APBB2: variants seen among roughly 807,000 people sequenced by gnomAD.
The protein encoded by APBB2 is Fe65-like 1.
Under a neutral mutation model 82.5 loss-of-function variants are expected in APBB2, and 38 were observed. The ratio of observed to expected loss-of-function variants is 0.46; its 90% CI spans 0.36 to 0.60. The LOEUF is 0.60. APBB2 is among the 20% of genes least tolerant of loss of function. The pLI is 0.00. For missense variants in APBB2, 772 were observed against 972.3 expected, an observed-to-expected ratio of 0.79 and a Z score of 2.74; for synonymous variants, 341 against 368.2, an observed-to-expected ratio of 0.93 and a Z score of 0.85.
chr4:40,942,884 CA>C (rs1787413203), intron 7 of APBB2, among the ~76,000 whole-genome samples: 1 of 152,218 alleles, frequency 6.6e-6, no homozygotes, highest in Non-Finnish European at 1.5e-5. Context: ...ATCACGGAAA[CA>C]AAAGGCTAAC....
intron 6 of APBB2, among the ~76,000 whole-genome samples, chr4:40,965,423 C>T (rs1479980430): frequency 1.3e-5 from 2 of 152,126 alleles, no homozygotes; most frequent in Non-Finnish European, 2.9e-5. Context: ...CTCTGAAAAG[C>T]CCCAAGTTCT....
rs56979618 is a variant in APBB2 at position 40,956,587 on chromosome 4, G to A, written c.836-11514C>T. 1.7e-3 allele frequency among the ~76,000 whole-genome samples: 259 copies of A among 151,452 alleles called. 1 individual carries two copies. Among genetic ancestry groups the A allele is most frequent in the African/African-American group, 5.9e-3 (244 of 41,188 alleles). Reference sequence around the variant, plus strand: ...ACTTTGTATTCAATTGAACTTCCCTGTGGTAGCATTATTTTAACAGTTGTT... The same window carrying A: ...ACTTTGTATTCAATTGAACTTCCCTATGGTAGCATTATTTTAACAGTTGTT... On this transcript the variant is annotated intron_variant, in intron 6 of 17. Transcript: ENST00000508593.
At chr4:40,988,952 G>T (rs923232389) in intron 6 of APBB2, among the ~76,000 whole-genome samples, 3 of 151,936 alleles carry the variant, frequency 2.0e-5, no homozygotes, top group Non-Finnish European at 2.9e-5. Context: ...AGAGACGAGG[G>T]TTTCACCATG....
chr4:40,946,022 C>A (rs1260837192), intron 6 of APBB2, among the ~76,000 whole-genome samples: 1 of 152,088 alleles, frequency 6.6e-6, no homozygotes, highest in Non-Finnish European at 1.5e-5. Flanking sequence ...CACCTGAGGT[C>A]AGGAGTTTGA....
chr4:40,848,765 G>A (rs1470454971), intron 12 of APBB2, among the ~76,000 whole-genome samples: 1 of 138,666 alleles, frequency 7.2e-6, no homozygotes, highest in East Asian at 2.5e-4. Flanking sequence ...GTTTTGCTCC[G>A]AAACATACAA....
intron 10 of APBB2, among the ~76,000 whole-genome samples, chr4:40,927,991 G>A (rs1369149868): frequency 2.0e-5 from 3 of 152,118 alleles, no homozygotes; most frequent in Non-Finnish European, 2.9e-5. Flanking sequence ...CATGTGCCAC[G>A]GGAAAAGGGC....
intron 10 of APBB2, among the ~76,000 whole-genome samples, chr4:40,910,671 G>A (rs1316214917): frequency 6.6e-6 from 1 of 152,240 alleles, no homozygotes; most frequent in Admixed American, 6.5e-5. Flanking sequence ...ACCCAAAAGT[G>A]GCCCCGGATG....
intron 3 of APBB2, among the ~76,000 whole-genome samples, chr4:41,084,991 C>G (rs1016369267): frequency 3.9e-5 from 6 of 152,160 alleles, no homozygotes; most frequent in Non-Finnish European, 8.8e-5. Context: ...TGGCTCATGC[C>G]TGTAATCCCA....
At chr4:40,992,887 G>T (rs1802545299) in intron 6 of APBB2, among the ~76,000 whole-genome samples, 1 of 152,174 alleles carries the variant, frequency 6.6e-6, no homozygotes, top group Non-Finnish European at 1.5e-5. Context: ...TCTACGTTGT[G>T]AAACACTGTC....
chr4:40,874,021 A>G (rs774975801), intron 12 of APBB2, among the ~76,000 whole-genome samples: 4 of 152,258 alleles, frequency 2.6e-5, no homozygotes, highest in Non-Finnish European at 5.9e-5. Context: ...AGGCACACAC[A>G]GTCTATTATG....
At chr4:40,935,971 T>C (rs925007122) in intron 7 of APBB2, among the ~76,000 whole-genome samples, 1 of 151,704 alleles carries the variant, frequency 6.6e-6, no homozygotes, top group African/African-American at 2.4e-5. Context: ...AATATTCAAG[T>C]ATTTTTCATC....
intron 17 of APBB2, among the ~76,000 whole-genome samples, chr4:40,820,158 C>G (rs1303878325): frequency 6.6e-6 from 1 of 152,226 alleles, no homozygotes; most frequent in Non-Finnish European, 1.5e-5. Flanking sequence ...CCAGGGGCTT[C>G]ACATGCAGCA....
chr4:41,176,683 C>A (rs969055818), intron 1 of APBB2, among the ~76,000 whole-genome samples: 4 of 152,102 alleles, frequency 2.6e-5, no homozygotes, highest in Non-Finnish European at 4.4e-5. Flanking sequence ...AGCTTATCTA[C>A]ACTGGCCCAT....
At chr4:40,977,497 A>C (rs1311757641) in intron 6 of APBB2, among the ~76,000 whole-genome samples, 1 of 152,010 alleles carries the variant, frequency 6.6e-6, no homozygotes, top group Non-Finnish European at 1.5e-5. Context: ...ATTTTTAGTA[A>C]AGACAGAGTT....
At chr4:40,876,275 T>C (rs1229965906) in intron 12 of APBB2, among the ~76,000 whole-genome samples, 1 of 152,258 alleles carries the variant, frequency 6.6e-6, no homozygotes, top group Non-Finnish European at 1.5e-5. Context: ...TTTGACAATA[T>C]GTACCTGTGA....
At chr4:41,070,355 A>G (rs531784686) in intron 3 of APBB2, among the ~76,000 whole-genome samples, 1 of 152,134 alleles carries the variant, frequency 6.6e-6, no homozygotes, top group South Asian at 2.1e-4. Flanking sequence ...TGTCGCCCAG[A>G]CTGGAGTGCG....
At chr4:41,013,446 T>A (rs1301247500) in intron 6 of APBB2, 137 bp downstream of exon 6, 5 of 780,304 alleles carry the variant, frequency 6.4e-6, no homozygotes, top group Non-Finnish European at 1.0e-5. Context: ...GCAAATAAAT[T>A]GCCCAATTTT....
chr4:41,128,865 T>G (rs1024950416), intron 2 of APBB2, among the ~76,000 whole-genome samples: 2 of 152,218 alleles, frequency 1.3e-5, no homozygotes, highest in Non-Finnish European at 2.9e-5. Flanking sequence ...TTAATTTTCC[T>G]TCACATCCCT....
intron 12 of APBB2, among the ~76,000 whole-genome samples, chr4:40,883,742 C>T (rs1162542488): frequency 6.7e-6 from 1 of 150,060 alleles, no homozygotes; most frequent in Non-Finnish European, 1.5e-5. Flanking sequence ...GCCCTTTCCA[C>T]AACGACTTTC....
Sources: allele counts gnomAD v4.1 joint callset (sites outside exome capture counted in the v4.1 genomes callset), GRCh38; gene constraint gnomAD v4.1.1; transcripts MANE v1.5; gene names NCBI Gene and HGNC (gene_info 2026-07-23, HGNC 2026-07-21).